NFE2L2: variants seen among roughly 807,000 people sequenced by gnomAD.
The protein encoded by NFE2L2 is NFE2 like bZIP transcription factor 2, also known as nuclear factor erythroid 2-related factor 2.
In NFE2L2, 20 loss-of-function variants were observed where a neutral mutation model predicts 49.6. The observed-to-expected ratio is 0.40, with a 90% CI of 0.28 to 0.59. The LOEUF is 0.59. Ranked by LOEUF, NFE2L2 falls within the 20% of genes least tolerant of loss-of-function variation. NFE2L2 has a pLI of 0.40. For missense variants in NFE2L2, 578 were observed against 714.2 expected (o/e 0.81, Z 2.17); for synonymous variants, 244 against 256.5 (o/e 0.95, Z 0.47).
At position 177,263,724 on chromosome 2, in the gene NFE2L2, C is replaced by T. The variant is rs563580308; in HGVS notation, c.45+808G>A. 2.4e-4 allele frequency: 233 copies of T among 985,480 alleles called. No individual in the cohort carries two copies. In the African/African-American group the frequency reaches 3.9e-3, roughly 16 times the overall value. The allele number at this position is 985,480 out of a possible 1,614,324, so 61.0% of individuals were successfully genotyped here. A position where few individuals can be genotyped will look rare whatever the true frequency, so the allele number is the denominator to read the frequency against. On this transcript the variant is annotated intron_variant, in intron 1 of 4. Coordinates refer to ENST00000397062, the MANE Select transcript of NFE2L2 (RefSeq NM_006164.5). ...CTCCGGCCTCAGAGTCCACTGCCCT[C>T]GCCCGCACTTTCCCGCGGCGTTACG...
intron 3 of NFE2L2, chr2:177,232,800 A>G (rs1689601994): frequency 3.7e-6 from 2 of 543,216 alleles, no homozygotes; most frequent in African/African-American, 1.9e-5. Context: ...AGCATTTGAA[A>G]GTAAACTTTA....
At chr2:177,239,522 C>T (rs1439926670) in intron 1 of NFE2L2, among the ~76,000 whole-genome samples, 1 of 152,012 alleles carries the variant, frequency 6.6e-6, no homozygotes, top group Non-Finnish European at 1.5e-5. Context: ...ACTAAAAATA[C>T]AAAAATTAGC....
At chr2:177,263,317 C>T (rs1356706670) in intron 1 of NFE2L2, 13 of 960,492 alleles carry the variant, frequency 1.4e-5, no homozygotes, top group Admixed American at 6.2e-5. Flanking sequence ...ATATAAAGTA[C>T]TCAGGGGAGA....
intron 1 of NFE2L2, among the ~76,000 whole-genome samples, chr2:177,248,486 C>T (rs553149427): frequency 1.6e-4 from 24 of 152,178 alleles, no homozygotes; most frequent in Admixed American, 5.2e-4. Flanking sequence ...CTCAGCTCAC[C>T]GCAACCGCCG....
intron 1 of NFE2L2, among the ~76,000 whole-genome samples, chr2:177,239,967 A>T (rs1016920001): frequency 1.3e-5 from 2 of 151,432 alleles, no homozygotes; most frequent in African/African-American, 4.8e-5. Context: ...AAAAAAAAAA[A>T]ACAGCAGAAG....
In NFE2L2 at chr2:177,232,497, C is replaced by T. The variant is rs2105455375; in HGVS notation, c.489G>A (p.Gln163=). 6.2e-7 allele frequency: 1 copy of T among 1,614,154 alleles called. No homozygotes were observed. The highest frequency in any genetic ancestry group is 2.2e-5 in the East Asian group (1 of 44,890). Residue 163 remains glutamine (Q), a synonymous_variant, in exon 4 of 5, where the codon CAG becomes CAA. Coordinates refer to ENST00000397062, the MANE Select transcript of NFE2L2 (RefSeq NM_006164.5). ...SPVFIATNQA[Q]SPETSVAQVA... is the part of the protein sequence containing the mutation. ...CCTGAGCAACAGAAGTTTCAGGTGA[C>T]TGAGCCTGATTAGTAGCAATGAAGA...
At chr2:177,232,065 G>A (rs1353536135) in intron 4 of NFE2L2, 57 bp from the exon 5 acceptor site, 91 of 1,449,844 alleles carry the variant, frequency 6.3e-5, no homozygotes. Context: ...GATAATACGT[G>A]ATAAATTTAG....
At position 177,231,158 on chromosome 2, in the gene NFE2L2, T is replaced by C. The variant is rs778586093; in HGVS notation, c.1445A>G (p.Asn482Ser). ...GAACTGCTCTTTGGACATCATTTCGTTGAAGTCAACAACAGGGAGGTTAAT... is the reference window on the plus strand; with the variant it reads ...GAACTGCTCTTTGGACATCATTTCGCTGAAGTCAACAACAGGGAGGTTAAT... ...KIINLPVVDF[N>S]EMMSKEQFNE... Residue 482 changes from asparagine to serine, a missense_variant, in exon 5 of 5, where the codon AAC becomes AGC. Physicochemically the swap from Asn to Ser is conservative, Grantham distance 46. Transcript: ENST00000397062. 1.8e-5 allele frequency: 29 copies of C among 1,614,160 alleles called. No individual in the cohort carries two copies. Among genetic ancestry groups the C allele is most frequent in the Non-Finnish European group, 2.1e-5 (25 of 1,180,028 alleles).
At chr2:177,262,609 A>T (rs922951996) in intron 1 of NFE2L2, among the ~76,000 whole-genome samples, 2 of 152,272 alleles carry the variant, frequency 1.3e-5, no homozygotes, top group Non-Finnish European at 2.9e-5. Flanking sequence ...TCGATGTCTG[A>T]TTACAAAGGT....
intron 1 of NFE2L2, among the ~76,000 whole-genome samples, chr2:177,262,813 A>G (rs1423241964): frequency 6.6e-6 from 1 of 152,260 alleles, no homozygotes; most frequent in African/African-American, 2.4e-5. Context: ...TCCTTCAGTC[A>G]AACAAGCATT....
chr2:177,256,878 G>T (rs906588928), intron 1 of NFE2L2, among the ~76,000 whole-genome samples: 1 of 152,218 alleles, frequency 6.6e-6, no homozygotes, highest in Non-Finnish European at 1.5e-5. Context: ...CCCACCATCT[G>T]TGGGGTGGGT....
intron 1 of NFE2L2, among the ~76,000 whole-genome samples, chr2:177,258,361 C>G (rs972642116): frequency 6.6e-6 from 1 of 152,194 alleles, no homozygotes; most frequent in Non-Finnish European, 1.5e-5. Flanking sequence ...CATTTACATG[C>G]TATTCCATTT....
chr2:177,233,617 A>G (rs928161128), intron 2 of NFE2L2: 8 of 510,786 alleles, frequency 1.6e-5, no homozygotes, highest in African/African-American at 1.4e-4. Flanking sequence ...ACTAATTAAT[A>G]TAGTTGTGTT....
intron 1 of NFE2L2, among the ~76,000 whole-genome samples, chr2:177,249,053 CAA>C (rs1019397185): frequency 6.6e-6 from 1 of 150,644 alleles, no homozygotes; most frequent in Non-Finnish European, 1.5e-5. Flanking sequence ...GCAGTCTCTA[CAA>C]AAGAGAAAAA....
At chr2:177,258,748 A>G (rs1305628917) in intron 1 of NFE2L2, among the ~76,000 whole-genome samples, 3 of 152,216 alleles carry the variant, frequency 2.0e-5, no homozygotes, top group Non-Finnish European at 4.4e-5. Context: ...TACAGAAGGT[A>G]AACACTATAA....
At chr2:177,254,575 G>T (rs761124422) in intron 1 of NFE2L2, among the ~76,000 whole-genome samples, 1 of 152,128 alleles carries the variant, frequency 6.6e-6, no homozygotes, top group Non-Finnish European at 1.5e-5. Context: ...ACAGCGATCC[G>T]TGGAACAGGA....
At chr2:177,232,627 G>C (rs954735100) in intron 3 of NFE2L2, 44 bp from the exon 4 acceptor site, 51 of 1,588,184 alleles carry the variant, frequency 3.2e-5, no homozygotes, top group Non-Finnish European at 4.0e-5. Flanking sequence ...CCACCAACAG[G>C]GGATGAGTAA....
chr2:177,255,384 A>G (rs1357875392), intron 1 of NFE2L2, among the ~76,000 whole-genome samples: 1 of 152,208 alleles, frequency 6.6e-6, no homozygotes, highest in Non-Finnish European at 1.5e-5. Context: ...AGTTTCTAAC[A>G]GAGGGTGAAG....
intron 1 of NFE2L2, among the ~76,000 whole-genome samples, chr2:177,246,774 CTTTTTTT>C (rs56311819): frequency 1.7e-5 from 2 of 117,516 alleles, no homozygotes; most frequent in African/African-American, 3.2e-5. Context: ...TAATATTTTA[CTTTTTTT>C]TTTTTTTTTT....
Sources: allele counts gnomAD v4.1 joint callset (sites outside exome capture counted in the v4.1 genomes callset), GRCh38; gene constraint gnomAD v4.1.1; transcripts MANE v1.5; gene names NCBI Gene and HGNC (gene_info 2026-07-23, HGNC 2026-07-21).